TBC1D8: variants seen among roughly 807,000 people sequenced by gnomAD.
TBC1D8 encodes BUB2-like protein 1.
In TBC1D8, 65 loss-of-function variants were observed where a neutral mutation model predicts 118.8. That is an observed-to-expected ratio of 0.55 (90% CI 0.45 to 0.67). TBC1D8 has a LOEUF of 0.67. Among genes scored for constraint, TBC1D8 ranks in the 30% least tolerant of loss-of-function variants. The pLI is 0.00. For missense variants in TBC1D8, 1,376 were observed against 1,471.2 expected, an observed-to-expected ratio of 0.94 and a Z score of 1.06; for synonymous variants, 566 against 595.8, an observed-to-expected ratio of 0.95 and a Z score of 0.73.
At chr2:101,115,706 G>A (rs1383619503) in intron 1 of TBC1D8, among the ~76,000 whole-genome samples, 1 of 152,060 alleles carries the variant, frequency 6.6e-6, no homozygotes, top group Non-Finnish European at 1.5e-5. Context: ...AGCCGAGATT[G>A]TACCACTGCA....
chr2:101,145,573 C>A (rs1679285613), intron 1 of TBC1D8, among the ~76,000 whole-genome samples: 1 of 152,212 alleles, frequency 6.6e-6, no homozygotes, highest in Non-Finnish European at 1.5e-5. Flanking sequence ...CCATGCTGGA[C>A]TTCATCAGTT....
intron 1 of TBC1D8, among the ~76,000 whole-genome samples, chr2:101,091,701 G>T (rs1676047595): frequency 6.6e-6 from 1 of 152,132 alleles, no homozygotes. Flanking sequence ...CCCTACCCTG[G>T]GAGACAGAGC....
At chr2:101,069,586 C>CAAAAA (rs1385380070) in intron 2 of TBC1D8, among the ~76,000 whole-genome samples, 1 of 152,000 alleles carries the variant, frequency 6.6e-6, no homozygotes, top group Non-Finnish European at 1.5e-5. Flanking sequence ...AACTCCATCT[C>CAAAAA]AAAAACAAAA....
intron 15 of TBC1D8, chr2:101,023,669 C>T (rs1406078589): frequency 1.2e-5 from 5 of 417,578 alleles, no homozygotes; most frequent in African/African-American, 1.1e-4. Context: ...AGACTGAAAA[C>T]TAACAAAACC....
intron 1 of TBC1D8, among the ~76,000 whole-genome samples, chr2:101,136,692 G>A (rs1678865969): frequency 6.6e-6 from 1 of 152,166 alleles, no homozygotes; most frequent in African/African-American, 2.4e-5. Flanking sequence ...TGGGACACTG[G>A]ATTTACGAAG....
intron 1 of TBC1D8, among the ~76,000 whole-genome samples, chr2:101,108,997 A>G (rs953945482): frequency 2.0e-5 from 3 of 152,176 alleles, no homozygotes; most frequent in African/African-American, 7.2e-5. Context: ...ATTTTTCTGT[A>G]AATCTAAAAC....
intron 1 of TBC1D8, among the ~76,000 whole-genome samples, chr2:101,147,769 G>C (rs1259470634): frequency 6.6e-6 from 1 of 152,078 alleles, no homozygotes; most frequent in African/African-American, 2.4e-5. Context: ...GAGACCCTGG[G>C]AGAGAGGGCA....
intron 1 of TBC1D8, among the ~76,000 whole-genome samples, chr2:101,143,221 C>T (rs1162864367): frequency 6.6e-6 from 1 of 151,994 alleles, no homozygotes; most frequent in Admixed American, 6.6e-5. Flanking sequence ...CGCCACCACA[C>T]CCAGCTTAGT....
At chr2:101,086,337 A>C (rs749377026) in intron 2 of TBC1D8, among the ~76,000 whole-genome samples, 11 of 152,330 alleles carry the variant, frequency 7.2e-5, no homozygotes, top group Admixed American at 3.9e-4. Context: ...CTTGAAGTGG[A>C]AAAGTTAAAT....
chr2:101,091,541 A>G (rs182596280), intron 1 of TBC1D8, among the ~76,000 whole-genome samples: 1 of 152,172 alleles, frequency 6.6e-6, no homozygotes, highest in East Asian at 1.9e-4. Flanking sequence ...GCTGGGCAAT[A>G]CAGTGAGATC....
At chr2:101,026,740 T>C (rs911021130) in intron 15 of TBC1D8, among the ~76,000 whole-genome samples, 9 of 152,186 alleles carry the variant, frequency 5.9e-5, no homozygotes, top group Non-Finnish European at 1.3e-4. Context: ...CATTTACTGT[T>C]TTGAGCAAGA....
chr2:101,136,760 G>C (rs1678868291), intron 1 of TBC1D8, among the ~76,000 whole-genome samples: 1 of 152,304 alleles, frequency 6.6e-6, no homozygotes, highest in African/African-American at 2.4e-5. Flanking sequence ...CCTTGATGAT[G>C]AATGATCACG....
At chr2:101,101,727 A>G (rs948124078) in intron 1 of TBC1D8, among the ~76,000 whole-genome samples, 1 of 152,202 alleles carries the variant, frequency 6.6e-6, no homozygotes, top group African/African-American at 2.4e-5. Context: ...ATAAAAAGGA[A>G]TGAGATCATG....
intron 12 of TBC1D8, among the ~76,000 whole-genome samples, chr2:101,028,872 T>C (rs1416506758): frequency 1.3e-5 from 2 of 152,224 alleles, no homozygotes; most frequent in African/African-American, 2.4e-5. Context: ...ATGCCCATGA[T>C]GCCTGGTGTC....
intron 1 of TBC1D8, among the ~76,000 whole-genome samples, chr2:101,096,051 G>A (rs932799601): frequency 2.0e-5 from 3 of 152,132 alleles, no homozygotes; most frequent in South Asian, 4.2e-4. Flanking sequence ...GACTCTATTT[G>A]AGAAAGAGTT....
chr2:101,145,042 T>G (rs1679262302), intron 1 of TBC1D8, among the ~76,000 whole-genome samples: 1 of 152,234 alleles, frequency 6.6e-6, no homozygotes, highest in African/African-American at 2.4e-5. Flanking sequence ...AGTAAATGAA[T>G]TCTTTACAAG....
chr2:101,104,493 G>A (rs937518995), intron 1 of TBC1D8, among the ~76,000 whole-genome samples: 5 of 152,202 alleles, frequency 3.3e-5, no homozygotes, highest in African/African-American at 1.2e-4. Context: ...AGACAGTGTG[G>A]TGGTACTGGT....
At chr2:101,044,253 C>T (rs1230710401) in intron 5 of TBC1D8, among the ~76,000 whole-genome samples, 1 of 152,188 alleles carries the variant, frequency 6.6e-6, no homozygotes, top group Non-Finnish European at 1.5e-5. Context: ...AGTTGTCTTC[C>T]AATTTCACCA....
intron 1 of TBC1D8, among the ~76,000 whole-genome samples, chr2:101,138,824 G>A (rs1678974178): frequency 6.6e-6 from 1 of 152,120 alleles, no homozygotes; most frequent in Non-Finnish European, 1.5e-5. Flanking sequence ...ACCTGAGCAT[G>A]ACTGATCATT....
Sources: gnomAD v4.1 joint callset for allele counts (sites outside exome capture counted in the v4.1 genomes callset) on GRCh38, gnomAD v4.1.1 for gene constraint, MANE v1.5 for transcripts, NCBI Gene and HGNC (gene_info 2026-07-23, HGNC 2026-07-21) for gene names.